The following MMD2 variants were observed in gnomAD, a reference collection of about 807,000 sequenced individuals.
MMD2 encodes the protein monocyte to macrophage differentiation associated 2, also known as monocyte to macrophage differentiation factor 2.
MMD2 carries 30 observed loss-of-function variants against 33.5 expected under a neutral mutation model. The ratio of observed to expected loss-of-function variants is 0.90; its 90% CI spans 0.67 to 1.22. The LOEUF is 1.22. MMD2 is among the 50% of genes most tolerant of loss of function. The pLI is 0.00. For missense variants in MMD2, 364 were observed against 325.4 expected, an observed-to-expected ratio of 1.12 and a Z score of -0.91; for synonymous variants, 129 against 123.0, an observed-to-expected ratio of 1.05 and a Z score of -0.32.
chr7:4,941,501 G>T (rs1420049135), intron 1 of MMD2, among the ~76,000 whole-genome samples: 1 of 151,902 alleles, frequency 6.6e-6, no homozygotes, highest in Non-Finnish European at 1.5e-5. Flanking sequence ...GTGGTGGCGG[G>T]TGCCTGTAAT....
chr7:4,914,831 T>C (rs1785100549), intron 4 of MMD2, among the ~76,000 whole-genome samples: 1 of 152,074 alleles, frequency 6.6e-6, no homozygotes, highest in African/African-American at 2.4e-5. Context: ...CTCAGGGGGC[T>C]GAGGCAGGAG....
the MMD2 span, among the ~76,000 whole-genome samples, chr7:4,893,807 C>T: frequency 4.5e-4 from 69 of 152,110 alleles, 2 homozygotes; most frequent in Admixed American, 1.3e-4. Context: ...TATAGGGTAA[C>T]GTCTTGACAT....
chr7:4,931,770 GC>G (rs1048769897), intron 1 of MMD2, among the ~76,000 whole-genome samples: 1 of 151,988 alleles, frequency 6.6e-6, no homozygotes, highest in African/African-American at 2.4e-5. Context: ...TTGCTCTGTT[GC>G]CCAGGCTGGT....
At chr7:4,950,646 G>C (rs1786216248) in intron 1 of MMD2, among the ~76,000 whole-genome samples, 1 of 151,606 alleles carries the variant, frequency 6.6e-6, no homozygotes, top group Non-Finnish European at 1.5e-5. Context: ...GAATGTCCTT[G>C]TGGTTCATCC....
chr7:4,912,752 C>G (rs564633695), intron 4 of MMD2, among the ~76,000 whole-genome samples: 2 of 152,018 alleles, frequency 1.3e-5, no homozygotes, highest in Non-Finnish European at 2.9e-5. Context: ...GTCACCCAGG[C>G]TAAAGTGCAG....
chr7:4,946,275 T>G lies in MMD2; in HGVS notation c.47+12696A>C, dbSNP rs1397171893. ...ACCCCGTGCACACAATCCCAGGAGCTTCACAGAGTCGAAACACCATCCCCG... is the reference window on the plus strand; with the variant it reads ...ACCCCGTGCACACAATCCCAGGAGCGTCACAGAGTCGAAACACCATCCCCG... On this transcript the variant is annotated intron_variant, in intron 1 of 6. Coordinates refer to ENST00000401401, the MANE Select transcript of MMD2 (RefSeq NM_198403.4). This position sits in a 1 kb window ranked among gnomAD's most constrained non-coding sequence, Gnocchi z 5.0. Among the ~76,000 whole-genome samples, 2 of 151,998 alleles carry G rather than the reference T, an allele frequency of 1.3e-5. No individual in the cohort carries two copies. The highest frequency in any genetic ancestry group is 2.9e-5 in the Non-Finnish European group (2 of 68,010).
In MMD2 at chr7:4,930,131, G is replaced by T. The variant is rs1430692603; in HGVS notation, c.48-4599C>A. ...AAAAATACAAAAAAAATAGCTGAGT[G>T]TGGTGGCGGGCACCTGTAGTCCCAG... On this transcript the variant is annotated intron_variant, in intron 1 of 6. Transcript: ENST00000401401. Among the ~76,000 whole-genome samples the T allele has an allele frequency of 2.0e-5, 3 of 151,754 alleles. No individual in the cohort carries two copies. In the South Asian group the frequency reaches 6.2e-4, roughly 32 times the overall value.
intron 1 of MMD2, among the ~76,000 whole-genome samples, chr7:4,949,673 G>A (rs2115157918): frequency 6.6e-6 from 1 of 152,032 alleles, no homozygotes; most frequent in East Asian, 1.9e-4. Flanking sequence ...CACCACACCT[G>A]GCTAATTTTT....
At chr7:4,893,023 C>T in the MMD2 span, among the ~76,000 whole-genome samples, 6 of 152,184 alleles carry the variant, frequency 3.9e-5, no homozygotes, top group South Asian at 2.1e-4. Flanking sequence ...TGACTAATTG[C>T]GGTTTCTAAG....
At chr7:4,908,237 G>A (rs1784915167) in intron 6 of MMD2, among the ~76,000 whole-genome samples, 1 of 150,650 alleles carries the variant, frequency 6.6e-6, no homozygotes, top group Admixed American at 6.6e-5. Flanking sequence ...CACCTCCTGG[G>A]TTCAACCAAT....
At chr7:4,938,360 G>T (rs1245443227) in intron 1 of MMD2, among the ~76,000 whole-genome samples, 1 of 152,074 alleles carries the variant, frequency 6.6e-6, no homozygotes, top group African/African-American at 2.4e-5. Flanking sequence ...AGGATCTAGG[G>T]ACTGTGTCTG....
intron 1 of MMD2, among the ~76,000 whole-genome samples, chr7:4,937,797 A>G (rs1366270309): frequency 6.6e-6 from 1 of 151,774 alleles, no homozygotes; most frequent in Non-Finnish European, 1.5e-5. Context: ...GGTGTGCGTC[A>G]CTACATCCAG....
At chr7:4,909,449 A>T (rs560646264) in intron 6 of MMD2, among the ~76,000 whole-genome samples, 1 of 146,356 alleles carries the variant, frequency 6.8e-6, no homozygotes, top group Admixed American at 6.8e-5. Context: ...AAAAAAAAGA[A>T]TTGTTTTTTT....
chr7:4,938,634 G>A (rs1031321819), intron 1 of MMD2, among the ~76,000 whole-genome samples: 2 of 151,984 alleles, frequency 1.3e-5, no homozygotes, highest in East Asian at 1.9e-4. Flanking sequence ...ACAAACATTC[G>A]AAACACAGCA....
At chr7:4,922,057 C>T (rs988742047) in intron 2 of MMD2, among the ~76,000 whole-genome samples, 3 of 151,722 alleles carry the variant, frequency 2.0e-5, no homozygotes, top group Non-Finnish European at 4.4e-5. Context: ...AAAACCCCCT[C>T]TCTACTAAAA....
Position 4,907,047 on chromosome 7 carries a change from C to T in MMD2, c.*349G>A, listed in dbSNP as rs1015645771. The T allele has an allele frequency of 3.4e-6, 1 of 294,024 alleles. No individual in the cohort carries two copies. Among genetic ancestry groups the T allele is most frequent in the Non-Finnish European group, 6.4e-6 (1 of 156,136 alleles). The allele number at this position is 294,024 out of a possible 1,614,324, so 18.2% of individuals were successfully genotyped here. ...ATAAACAACCCACAGGACTCTTTGC[C>T]AGATTCTTCAGGACCTTAGGAAACA... On this transcript the variant is annotated 3_prime_UTR_variant, in exon 7 of 7. Transcript: ENST00000401401.
rs974883561 is a variant in MMD2, at chr7:4,906,468, G to A, written c.*928C>T. ...CATCACAAACCTTAAGTATGGAGCA[G>A]GGAGCAAGTGCCTGGGGGCTGTTTG... On this transcript the variant is annotated 3_prime_UTR_variant, in exon 7 of 7. Transcript: ENST00000401401. 1 of 398,546 alleles carries A rather than the reference G, an allele frequency of 2.5e-6. No individual in the cohort carries two copies. Among genetic ancestry groups the A allele is most frequent in the African/African-American group, 2.1e-5 (1 of 48,654 alleles). 24.7% of individuals were successfully genotyped at this position (398,546 alleles called of 1,614,324 possible).
chr7:4,920,368 C>T, intron 2 of MMD2, 37 bp from the exon 3 acceptor site: 1 of 1,586,732 alleles, frequency 6.3e-7, no homozygotes. Context: ...GGTGCAGCAG[C>T]TGGGTGGCTC....
chr7:4,947,144 T>C (rs1399213620), intron 1 of MMD2, among the ~76,000 whole-genome samples: 1 of 150,824 alleles, frequency 6.6e-6, no homozygotes, highest in African/African-American at 2.4e-5. Context: ...GGAGGTGGAG[T>C]TTGCAGTAAG....
Sources: gnomAD v4.1 joint callset for allele counts (sites outside exome capture counted in the v4.1 genomes callset) on GRCh38, gnomAD v4.1.1 for gene constraint, Gnocchi (gnomAD v3.1) non-coding constraint, MANE v1.5 for transcripts, NCBI Gene and HGNC (gene_info 2026-07-23, HGNC 2026-07-21) for gene names.